SGCZ: variants seen among roughly 807,000 people sequenced by gnomAD.
The protein encoded by SGCZ is sarcoglycan zeta.
Under a neutral mutation model 41.3 loss-of-function variants are expected in SGCZ, and 40 were observed. The ratio of observed to expected loss-of-function variants is 0.97; its 90% CI spans 0.75 to 1.26. SGCZ has a LOEUF of 1.26. Among genes scored for constraint, SGCZ ranks in the 50% most tolerant of loss-of-function variants. The pLI is 0.00. For synonymous variants in SGCZ, 206 were observed against 137.5 expected (o/e 1.50, Z -3.49); for missense variants, 552 against 369.8 (o/e 1.49, Z -4.04).
chr8:15,033,745 C>T (rs1803773030), intron 1 of SGCZ, among the ~76,000 whole-genome samples: 1 of 152,146 alleles, frequency 6.6e-6, no homozygotes, highest in Non-Finnish European at 1.5e-5. Flanking sequence ...CCCAGGACAG[C>T]CCCTGTGGAC....
At chr8:14,577,736 T>A (rs1585095255) in intron 1 of SGCZ, among the ~76,000 whole-genome samples, 1 of 152,210 alleles carries the variant, frequency 6.6e-6, no homozygotes, top group South Asian at 2.1e-4. Flanking sequence ...GTCCTTCCAA[T>A]CTGCTCATAA....
intron 1 of SGCZ, among the ~76,000 whole-genome samples, chr8:14,885,309 T>G (rs1288971729): frequency 6.6e-6 from 1 of 152,158 alleles, no homozygotes; most frequent in Non-Finnish European, 1.5e-5. Context: ...GGGGATTAAT[T>G]AATACAGATA....
chr8:14,279,418 T>C (rs117903264), intron 3 of SGCZ, among the ~76,000 whole-genome samples: 6 of 152,146 alleles, frequency 3.9e-5, no homozygotes, highest in East Asian at 1.9e-4. Flanking sequence ...TTGAACTCTT[T>C]AGAGGACACT....
intron 7 of SGCZ, among the ~76,000 whole-genome samples, chr8:14,094,978 GT>G (rs140256840): frequency 0.73 from 110,265 of 151,182 alleles, 40,355 homozygotes; most frequent in East Asian, 0.96. Context: ...CTTTTTGATG[GT>G]TTTTTTTTCT....
At chr8:15,201,713 A>G (rs1252175332) in intron 1 of SGCZ, among the ~76,000 whole-genome samples, 1 of 152,202 alleles carries the variant, frequency 6.6e-6, no homozygotes, top group Non-Finnish European at 1.5e-5. Flanking sequence ...ACTGGAAAGA[A>G]GCACACATTG....
chr8:14,745,038 T>C (rs1415569199), intron 1 of SGCZ, among the ~76,000 whole-genome samples: 1 of 152,218 alleles, frequency 6.6e-6, no homozygotes, highest in Non-Finnish European at 1.5e-5. Context: ...ACTGGATATT[T>C]ACTCTGTATA....
At chr8:14,624,570 T>A (rs570122011) in intron 1 of SGCZ, among the ~76,000 whole-genome samples, 1,102 of 97,056 alleles carry the variant, frequency 0.011, 43 homozygotes, top group African/African-American at 0.027. Flanking sequence ...TTTTTTTTTT[T>A]TTTTTTTTTT....
intron 1 of SGCZ, among the ~76,000 whole-genome samples, chr8:14,562,757 T>C (rs372025066): frequency 7.9e-5 from 12 of 152,244 alleles, no homozygotes; most frequent in South Asian, 4.1e-4. Context: ...GGGGGTCTTG[T>C]ATTGCAGTAT....
intron 3 of SGCZ, among the ~76,000 whole-genome samples, chr8:14,281,524 A>G (rs1422323751): frequency 2.6e-5 from 4 of 152,034 alleles, no homozygotes; most frequent in Non-Finnish European, 5.9e-5. Flanking sequence ...AATTGAATAT[A>G]CATGCACATT....
chr8:14,882,408 C>T (rs1222775061), intron 1 of SGCZ, among the ~76,000 whole-genome samples: 3 of 152,132 alleles, frequency 2.0e-5, no homozygotes, highest in Non-Finnish European at 2.9e-5. Flanking sequence ...TCAGATTTAT[C>T]GATGATGAGA....
intron 1 of SGCZ, among the ~76,000 whole-genome samples, chr8:14,730,035 G>A (rs539786801): frequency 3.0e-4 from 45 of 152,276 alleles, no homozygotes; most frequent in Admixed American, 2.0e-3. Flanking sequence ...GCAGTGAGCC[G>A]AGATCGTGCC....
At chr8:15,181,680 A>T (rs780187076) in intron 1 of SGCZ, among the ~76,000 whole-genome samples, 2 of 152,216 alleles carry the variant, frequency 1.3e-5, no homozygotes, top group Non-Finnish European at 2.9e-5. Context: ...TAAAAAGCAG[A>T]TAACTTTTCG....
intron 1 of SGCZ, among the ~76,000 whole-genome samples, chr8:14,949,318 T>C (rs533018316): frequency 1.3e-3 from 203 of 152,266 alleles, no homozygotes; most frequent in African/African-American, 4.1e-3. Context: ...ATTAGAAATA[T>C]TGCTGTACTT....
At chr8:14,309,540 A>T (rs1397294050) in intron 3 of SGCZ, 1 of 1,610,234 alleles carries the variant, frequency 6.2e-7, no homozygotes. Context: ...GAAAACAAAG[A>T]AGCTGTTACA....
chr8:14,374,347 A>T (rs1490544959), intron 2 of SGCZ, among the ~76,000 whole-genome samples: 1 of 152,322 alleles, frequency 6.6e-6, no homozygotes, highest in African/African-American at 2.4e-5. Context: ...TGTCTCAAAA[A>T]GAAAGAAAAA....
intron 1 of SGCZ, among the ~76,000 whole-genome samples, chr8:14,634,021 A>T (rs1806746176): frequency 2.0e-5 from 3 of 152,056 alleles, no homozygotes; most frequent in South Asian, 4.1e-4. Flanking sequence ...TACATTTTCC[A>T]GAAATCTTGA....
chr8:14,457,771 C>T lies in SGCZ; in HGVS notation c.234+96961G>A, dbSNP rs575910999. ...CCCTGTCCAGTGGACACGTGACCCA[C>T]GTGACCTTACCTATAATTGGAGGTG... On this transcript the variant is annotated intron_variant, in intron 2 of 7. Transcript: ENST00000382080. 1.8e-4 allele frequency among the ~76,000 whole-genome samples: 28 copies of T among 152,344 alleles called. No individual in the cohort carries two copies. The East Asian group carries it at 4.5e-3, about 24-fold the overall frequency.
chr8:14,766,068 T>C (rs1800025675), intron 1 of SGCZ, among the ~76,000 whole-genome samples: 1 of 151,342 alleles, frequency 6.6e-6, no homozygotes, highest in African/African-American at 2.4e-5. Flanking sequence ...GTTCAAGCAA[T>C]TCTCCTGCCT....
intron 3 of SGCZ, among the ~76,000 whole-genome samples, chr8:14,295,920 A>G (rs769074383): frequency 2.2e-4 from 33 of 152,180 alleles, no homozygotes; most frequent in African/African-American, 8.0e-4. Context: ...AGCCAAACAT[A>G]AAGTAGCACA....
Sources: gnomAD v4.1 joint callset for allele counts (sites outside exome capture counted in the v4.1 genomes callset) on GRCh38, gnomAD v4.1.1 for gene constraint, MANE v1.5 for transcripts, NCBI Gene and HGNC (gene_info 2026-07-23, HGNC 2026-07-21) for gene names.